The following SUPT3H variants were observed in gnomAD, a reference collection of about 807,000 sequenced individuals.
SUPT3H encodes the protein SPT3 homolog, SAGA and STAGA complex component, also known as transcription initiation protein SPT3 homolog.
SUPT3H carries 44 observed loss-of-function variants against 44.3 expected under a neutral mutation model. The observed-to-expected ratio is 0.99, with a 90% CI of 0.78 to 1.28. The LOEUF (loss-of-function observed/expected upper bound fraction) is 1.28. Ranked by LOEUF, SUPT3H falls within the 50% of genes most tolerant of loss-of-function variation. The pLI, the probability that SUPT3H is intolerant of heterozygous loss-of-function variation, is 0.00. For synonymous variants in SUPT3H, 124 were observed against 125.6 expected, an observed-to-expected ratio of 0.99 and a Z score of 0.09; for missense variants, 380 against 387.1, an observed-to-expected ratio of 0.98 and a Z score of 0.15.
At chr6:45,203,302 A>C (rs1584234420) in intron 2 of SUPT3H, among the ~76,000 whole-genome samples, 1 of 152,120 alleles carries the variant, frequency 6.6e-6, no homozygotes, top group Non-Finnish European at 1.5e-5. Flanking sequence ...TCAGGTCAAA[A>C]TCTAAGCTGT....
chr6:44,965,884 C>T (rs999178293), intron 6 of SUPT3H, among the ~76,000 whole-genome samples: 12 of 152,120 alleles, frequency 7.9e-5, no homozygotes, highest in African/African-American at 2.9e-4. Context: ...TGAGGCAATG[C>T]TTTGCTTGGA....
intron 3 of SUPT3H, among the ~76,000 whole-genome samples, chr6:45,023,262 CA>C (rs557483683): frequency 9.5e-4 from 117 of 123,388 alleles, no homozygotes; most frequent in African/African-American, 1.3e-3. Flanking sequence ...ATTAAAAAGT[CA>C]AAAAAAAAAA....
intron 2 of SUPT3H, among the ~76,000 whole-genome samples, chr6:45,283,687 A>T (rs534177864): frequency 1.2e-4 from 19 of 152,194 alleles, no homozygotes; most frequent in African/African-American, 4.6e-4. Context: ...CGAGACAGAA[A>T]GTTAACAAGG....
chr6:44,992,323 T>C (rs896089844), intron 6 of SUPT3H, among the ~76,000 whole-genome samples: 7 of 152,156 alleles, frequency 4.6e-5, no homozygotes, highest in African/African-American at 1.7e-4. Flanking sequence ...GGCAGTCAAA[T>C]ATCCGTTTAG....
intron 2 of SUPT3H, among the ~76,000 whole-genome samples, chr6:45,170,252 T>C (rs1459567706): frequency 6.6e-6 from 1 of 152,212 alleles, no homozygotes; most frequent in African/African-American, 2.4e-5. Flanking sequence ...TCTGAATAAT[T>C]CTATAGGCAT....
chr6:45,031,626 G>A (rs1203985350), intron 3 of SUPT3H, among the ~76,000 whole-genome samples: 1 of 152,178 alleles, frequency 6.6e-6, no homozygotes, highest in Non-Finnish European at 1.5e-5. Context: ...CTAAAGAGAG[G>A]TGAATATCAA....
intron 2 of SUPT3H, among the ~76,000 whole-genome samples, chr6:45,203,485 G>A (rs1421631125): frequency 6.6e-6 from 1 of 152,122 alleles, no homozygotes; most frequent in Non-Finnish European, 1.5e-5. Context: ...CAGTCTTACT[G>A]CATCCCCTTG....
chr6:45,167,821 T>A (rs1456121631), intron 2 of SUPT3H, among the ~76,000 whole-genome samples: 6 of 152,106 alleles, frequency 3.9e-5, no homozygotes, highest in East Asian at 1.9e-4. Context: ...TCATTTATTT[T>A]TTTTTTTTAG....
intron 2 of SUPT3H, among the ~76,000 whole-genome samples, chr6:45,286,589 A>G (rs935376933): frequency 6.6e-5 from 10 of 152,178 alleles, no homozygotes; most frequent in African/African-American, 2.4e-4. Flanking sequence ...AACTGAGGAA[A>G]CAACAGGTGC....
intron 2 of SUPT3H, among the ~76,000 whole-genome samples, chr6:45,282,736 G>T (rs983348281): frequency 6.6e-6 from 1 of 152,038 alleles, no homozygotes; most frequent in Non-Finnish European, 1.5e-5. Flanking sequence ...TACAGAGAAC[G>T]CCACAAAGAT....
intron 2 of SUPT3H, among the ~76,000 whole-genome samples, chr6:45,164,261 C>A (rs1249928222): frequency 6.6e-6 from 1 of 152,096 alleles, no homozygotes; most frequent in Non-Finnish European, 1.5e-5. Context: ...ACACTCTGAA[C>A]CTCAGTTTCT....
intron 9 of SUPT3H, among the ~76,000 whole-genome samples, chr6:44,945,831 A>T (rs1356765813): frequency 2.6e-5 from 4 of 152,218 alleles, no homozygotes; most frequent in African/African-American, 9.6e-5. Flanking sequence ...TCAATGATGA[A>T]GATGGCTACA....
chr6:45,207,896 A>C (rs1220966593), intron 2 of SUPT3H, among the ~76,000 whole-genome samples: 1 of 152,162 alleles, frequency 6.6e-6, no homozygotes, highest in Non-Finnish European at 1.5e-5. Context: ...CAATAACCCT[A>C]CAATGGCCTC....
At chr6:45,152,050 T>C (rs1315749807) in intron 2 of SUPT3H, among the ~76,000 whole-genome samples, 1 of 152,120 alleles carries the variant, frequency 6.6e-6, no homozygotes, top group East Asian at 1.9e-4. Context: ...AATCTTTAAA[T>C]ACCATCTATA....
intron 2 of SUPT3H, among the ~76,000 whole-genome samples, chr6:45,226,877 T>C (rs925616128): frequency 1.3e-5 from 2 of 152,044 alleles, no homozygotes; most frequent in South Asian, 4.1e-4. Context: ...CAAGTGCCTG[T>C]AGTCCCAAGT....
intron 10 of SUPT3H, among the ~76,000 whole-genome samples, chr6:44,838,571 T>C (rs1450246127): frequency 6.6e-6 from 1 of 152,148 alleles, no homozygotes; most frequent in Non-Finnish European, 1.5e-5. Flanking sequence ...TCTTGACTTA[T>C]CTTGTTTCCA....
At chr6:45,224,062 A>G (rs1028323486) in intron 2 of SUPT3H, among the ~76,000 whole-genome samples, 8 of 150,014 alleles carry the variant, frequency 5.3e-5, no homozygotes, top group African/African-American at 1.9e-4. Flanking sequence ...ATCATTTGAA[A>G]AAAAATTCCA....
intron 2 of SUPT3H, among the ~76,000 whole-genome samples, chr6:45,208,677 T>C: frequency 6.8e-6 from 1 of 147,346 alleles, no homozygotes; most frequent in East Asian, 2.0e-4. Flanking sequence ...TGAGTGAAGA[T>C]CATACCACTG....
At chr6:45,103,417 TTAAAA>T (rs1798858755) in intron 3 of SUPT3H, among the ~76,000 whole-genome samples, 1 of 152,156 alleles carries the variant, frequency 6.6e-6, no homozygotes, top group African/African-American at 2.4e-5. Context: ...CCTTCTGTAT[TTAAAA>T]TAGAATATAA....
Sources: gnomAD v4.1 joint callset for allele counts (sites outside exome capture counted in the v4.1 genomes callset) on GRCh38, gnomAD v4.1.1 for gene constraint, MANE v1.5 for transcripts, NCBI Gene and HGNC (gene_info 2026-07-23, HGNC 2026-07-21) for gene names.